IRF2BPL: variants seen among roughly 807,000 people sequenced by gnomAD.
The protein encoded by IRF2BPL is interferon regulatory factor 2 binding protein like, also known as probable E3 ubiquitin-protein ligase IRF2BPL.
A neutral mutation model predicts 51.2 loss-of-function variants in IRF2BPL; 13 were observed. That is an observed-to-expected ratio of 0.25 (90% confidence interval 0.17 to 0.40). The LOEUF is 0.40. Ranked by LOEUF, IRF2BPL falls within the 10% of genes least tolerant of loss-of-function variation. IRF2BPL has a pLI of 1.00. For synonymous variants in IRF2BPL, 768 were observed against 509.2 expected (o/e 1.51, Z -6.84); for missense variants, 1,210 against 1,111.8 (o/e 1.09, Z -1.26).
chr14:77,026,237 C>G lies in IRF2BPL; in HGVS notation c.1556G>C (p.Ser519Thr), dbSNP rs1885112302. ...TALVSLSRAP[S>T]APPGTGALPP... The stretch of plus-strand genomic sequence containing the variant: ...CAAGGCCCCGGTCCCCGGGGGTGCG[C>G]TGGGGGCGCGGCTCAGACTCACCAG... The change falls in exon 1 of 1, where the codon AGC (serine) becomes ACC (threonine). Residue 519 changes from serine (S) to threonine (T), a missense_variant. Transcript: ENST00000238647. The G allele has an allele frequency of 4.9e-6, 7 of 1,429,378 alleles. No homozygotes were observed. Among genetic ancestry groups the G allele is most frequent in the Non-Finnish European group, 6.4e-6 (7 of 1,096,944 alleles). 88.5% of individuals were successfully genotyped at this position (1,429,378 alleles called of 1,614,324 possible). A position where few individuals can be genotyped will look rare whatever the true frequency, so the allele number is the denominator to read the frequency against.
At position 77,027,594 on chromosome 14, in the gene IRF2BPL, C is replaced by T; in HGVS notation, c.199G>A (p.Gly67Ser). The T allele has an allele frequency of 6.3e-7, 1 of 1,581,062 alleles. No homozygotes were observed. Residue 67 changes from glycine (G) to serine (S), a missense_variant, in exon 1 of 1, where the codon GGC (glycine) becomes AGC (serine). By Grantham distance (56) the Gly-to-Ser change is moderately conservative (BLOSUM62 0). Coordinates refer to ENST00000238647, the MANE Select transcript of IRF2BPL (RefSeq NM_024496.4). Reference sequence around the variant, plus strand: ...GGCGGCGGCGGCCCGGGGGAGCGGCCGTCCTGGAAGCAGCCGTGCGCCCGC... The same window carrying T: ...GGCGGCGGCGGCCCGGGGGAGCGGCTGTCCTGGAAGCAGCCGTGCGCCCGC... Reference protein sequence around the residue: ...LKRAHGCFQDGRSPGPPPPVG... With the variant: ...LKRAHGCFQDSRSPGPPPPVG...
Position 77,027,923 on chromosome 14 carries a change from C to A in IRF2BPL, c.-131G>T, listed in dbSNP as rs1284614295. The A allele has an allele frequency of 1.7e-6, 2 of 1,188,312 alleles. No homozygotes were observed. Among genetic ancestry groups the A allele is most frequent in the African/African-American group, 1.6e-5 (1 of 62,110 alleles). 73.6% of individuals were successfully genotyped at this position (1,188,312 alleles called of 1,614,324 possible). ...GAGGAGGGGGGGCGAGAAAGTTCTG[C>A]CCCAGGGGCTGGAGGGAACGCGAGT... On this transcript the variant is annotated 5_prime_UTR_variant, in exon 1 of 1. Coordinates refer to ENST00000238647, the MANE Select transcript of IRF2BPL (RefSeq NM_024496.4).
At position 77,027,688 on chromosome 14, in the gene IRF2BPL, G is replaced by A. The variant is rs757803747; in HGVS notation, c.105C>T (p.Cys35=). Residue 35 remains cysteine, a synonymous_variant, in exon 1 of 1, where the codon TGC becomes TGT. Coordinates refer to ENST00000238647, the MANE Select transcript of IRF2BPL (RefSeq NM_024496.4). ...CGCCCTCGTAGTTGACGCAACCGCG[G>A]CATACGGGTTCCGAGAAGTCCCAGA... is the stretch of plus-strand genomic sequence containing the variant. ...AMIWDFSEPV[C]RGCVNYEGAD... 2.5e-6 allele frequency: 4 copies of A among 1,611,968 alleles called. No individual in the cohort carries two copies. The highest frequency in any genetic ancestry group is 3.4e-6 in the Non-Finnish European group (4 of 1,179,460).
chr14:77,028,664 G>A lies in IRF2BPL; in HGVS notation c.-872C>T, dbSNP rs1885243436. 1 of 381,220 alleles carries A rather than the reference G, an allele frequency of 2.6e-6. No individual in the cohort carries two copies. The highest frequency in any genetic ancestry group is 4.7e-6 in the Non-Finnish European group (1 of 214,640). 23.6% of individuals were successfully genotyped at this position (381,220 alleles called of 1,614,324 possible). A position where few individuals can be genotyped will look rare whatever the true frequency, so the allele number is the denominator to read the frequency against. Reference sequence around the variant, plus strand: ...GTGATTGTTACTCTACGTTCCGGAGGCGCGTCTCGGCGCTCCTGCTCCGGC... The same window carrying A: ...GTGATTGTTACTCTACGTTCCGGAGACGCGTCTCGGCGCTCCTGCTCCGGC... On this transcript the variant is annotated 5_prime_UTR_variant, in exon 1 of 1. Transcript: ENST00000238647.
At position 77,028,672 on chromosome 14, in the gene IRF2BPL, C is replaced by T; in HGVS notation, c.-880G>A. On this transcript the variant is annotated 5_prime_UTR_variant, in exon 1 of 1. Transcript: ENST00000238647. ...TACTCTACGTTCCGGAGGCGCGTCT[C>T]GGCGCTCCTGCTCCGGCTGCGGCTC... is the stretch of plus-strand genomic sequence containing the variant. The T allele has an allele frequency of 2.6e-6, 1 of 378,514 alleles. No individual in the cohort carries two copies. 23.4% of individuals were successfully genotyped at this position (378,514 alleles called of 1,614,324 possible).
chr14:77,026,265 C>G lies in IRF2BPL; in HGVS notation c.1528G>C (p.Ala510Pro). 2 of 1,491,010 alleles carry G rather than the reference C, an allele frequency of 1.3e-6. No homozygotes were observed. The highest frequency in any genetic ancestry group is 1.8e-6 in the Non-Finnish European group (2 of 1,122,294). The allele number at this position is 1,491,010 out of a possible 1,614,324, so 92.4% of individuals were successfully genotyped here. ...GGGGCGCGGCTCAGACTCACCAGAG[C>G]AGTGGGCAGCATGGGACAGCTGGCG... Reference protein sequence around the residue: ...LDASCPMLPTALVSLSRAPSA... With the variant: ...LDASCPMLPTPLVSLSRAPSA... Residue 510 changes from alanine (A) to proline (P), a missense_variant, in exon 1 of 1, where the codon GCT becomes CCT. By Grantham distance (27) the Ala-to-Pro change is conservative. Coordinates refer to ENST00000238647, the MANE Select transcript of IRF2BPL (RefSeq NM_024496.4).
In IRF2BPL at chr14:77,027,965, G is replaced by GCGCCT. The variant is rs897764396; in HGVS notation, c.-178_-174dup. 72 of 781,234 alleles carry GCGCCT rather than the reference G, an allele frequency of 9.2e-5. No individual in the cohort carries two copies. Among genetic ancestry groups the GCGCCT allele is most frequent in the Admixed American group, 1.8e-4 (5 of 27,044 alleles). The allele number at this position is 781,234 out of a possible 1,614,324, so 48.4% of individuals were successfully genotyped here. ...AACGCGAGTCTCCACCGCCGGCGCA[G>GCGCCT]CGCCTCGCCGTGGGGGCTCCACCGC... On this transcript the variant is annotated 5_prime_UTR_variant, in exon 1 of 1. Transcript: ENST00000238647.
In IRF2BPL at chr14:77,027,624, G is replaced by A. The variant is rs546443379; in HGVS notation, c.169C>T (p.Leu57=). The A allele has an allele frequency of 3.1e-5, 49 of 1,605,522 alleles. No individual in the cohort carries two copies. The East Asian group carries it at 1.0e-3, about 33-fold the overall frequency. ...TGGAAGCAGCCGTGCGCCCGCTTCA[G>A]CTGGCGCGCTGTCTCGATCACGAAT... ...IEFVIETARQ[L]KRAHGCFQDG... is the part of the protein sequence containing the mutation. The change falls in exon 1 of 1, where the codon CTG becomes TTG. Residue 57 remains leucine (L), a synonymous_variant. Coordinates refer to ENST00000238647, the MANE Select transcript of IRF2BPL (RefSeq NM_024496.4).
chr14:77,027,190 T>C lies in IRF2BPL; in HGVS notation c.603A>G (p.Lys201=). Residue 201 remains lysine, a synonymous_variant, in exon 1 of 1, where the codon AAA becomes AAG. Coordinates refer to ENST00000238647, the MANE Select transcript of IRF2BPL (RefSeq NM_024496.4). ...CTGGGGGTCCCTCCTCTGGTGTTGG[T>C]TTGGGGAAGCCGTTTGGGCCCCCCA... is the stretch of plus-strand genomic sequence containing the variant. The part of the protein sequence containing the change: ...NGLGGPNGFP[K]PTPEEGPPEL... The C allele has an allele frequency of 6.2e-7, 1 of 1,611,682 alleles. No individual in the cohort carries two copies. Among genetic ancestry groups the C allele is most frequent in the Non-Finnish European group, 8.5e-7 (1 of 1,179,010 alleles).
In IRF2BPL at chr14:77,025,378, CAAA is replaced by C. The variant is rs1165517642; in HGVS notation, c.*21_*23del. On this transcript the variant is annotated 3_prime_UTR_variant, in exon 1 of 1. Coordinates refer to ENST00000238647, the MANE Select transcript of IRF2BPL (RefSeq NM_024496.4). ...GGATTGGAGAGGAGCTGGTCTAGGG[CAAA>C]GGAGGTGGCTGCCCAGTGGTTCAAG... is the stretch of plus-strand genomic sequence containing the variant. 32 of 1,510,410 alleles carry C rather than the reference CAAA, an allele frequency of 2.1e-5. No homozygotes were observed. The highest frequency in any genetic ancestry group is 2.8e-5 in the Non-Finnish European group (31 of 1,122,610). The allele number at this position is 1,510,410 out of a possible 1,614,324, so 93.6% of individuals were successfully genotyped here. A position where few individuals can be genotyped will look rare whatever the true frequency, so the allele number is the denominator to read the frequency against.
chr14:77,025,588 G>A lies in IRF2BPL; in HGVS notation c.2205C>T (p.Ser735=). ...THFVQCPSVP[S]HKFCFPCSRE... is the part of the protein sequence containing the mutation. ...TAGAGCAAGGGAAGCAAAATTTGTG[G>A]CTGGGGACGGAAGGGCACTGAACGA... is the stretch of plus-strand genomic sequence containing the variant. The change falls in exon 1 of 1, where the codon AGC becomes AGT. Residue 735 remains serine, a synonymous_variant. Transcript: ENST00000238647. 1 of 1,607,576 alleles carries A rather than the reference G, an allele frequency of 6.2e-7. No homozygotes were observed.
Position 77,025,631 on chromosome 14 carries a change from C to G in IRF2BPL, c.2162G>C (p.Arg721Pro), listed in dbSNP as rs1486719656. ...CTGAACGAAATGCGTATCCTCCAAA[C>G]GTTCGTGGCAAATGGTGCAGCAGAG... ...GPLCCTICHE[R>P]LEDTHFVQCP... Residue 721 changes from arginine (R) to proline (P), a missense_variant, in exon 1 of 1, where the codon CGT becomes CCT. Physicochemically the swap from Arg to Pro is moderately radical, Grantham distance 103. Coordinates refer to ENST00000238647, the MANE Select transcript of IRF2BPL (RefSeq NM_024496.4). 1.9e-6 allele frequency: 3 copies of G among 1,577,426 alleles called. No individual in the cohort carries two copies. The highest frequency in any genetic ancestry group is 1.7e-6 in the Non-Finnish European group (2 of 1,158,996).
rs532756524 is a variant in IRF2BPL, at chr14:77,028,660, G to C, written c.-868C>G. The C allele has an allele frequency of 5.2e-6, 2 of 383,476 alleles. No homozygotes were observed. Among genetic ancestry groups the C allele is most frequent in the Admixed American group, 4.5e-5 (1 of 22,172 alleles). The allele number at this position is 383,476 out of a possible 1,614,324, so 23.8% of individuals were successfully genotyped here. A position where few individuals can be genotyped will look rare whatever the true frequency, so the allele number is the denominator to read the frequency against. ...GGTTGTGATTGTTACTCTACGTTCC[G>C]GAGGCGCGTCTCGGCGCTCCTGCTC... is the stretch of plus-strand genomic sequence containing the variant. On this transcript the variant is annotated 5_prime_UTR_variant, in exon 1 of 1. Coordinates refer to ENST00000238647, the MANE Select transcript of IRF2BPL (RefSeq NM_024496.4).
In IRF2BPL at chr14:77,026,328, C is replaced by G. The variant is rs200051064; in HGVS notation, c.1465G>C (p.Val489Leu). ...TGGGGCAGCATGTCGGCGCCGGGCA[C>G]GCCCTCCTTGAAGAAGCGCACGGCT... ...PEAVRFFKEGVPGADMLPQPY... is the reference protein window; with the variant it reads ...PEAVRFFKEGLPGADMLPQPY... The change falls in exon 1 of 1, where the codon GTG becomes CTG. Residue 489 changes from valine (V) to leucine (L), a missense_variant. Val to Leu is a conservative substitution (Grantham distance 32, BLOSUM62 1). Coordinates refer to ENST00000238647, the MANE Select transcript of IRF2BPL (RefSeq NM_024496.4). 4.4e-6 allele frequency: 7 copies of G among 1,582,248 alleles called. No individual in the cohort carries two copies. Among genetic ancestry groups the G allele is most frequent in the South Asian group, 1.2e-5 (1 of 86,460 alleles).
In IRF2BPL at chr14:77,026,533, G is replaced by A. The variant is rs577830323; in HGVS notation, c.1260C>T (p.Phe420=). Residue 420 remains phenylalanine, a synonymous_variant, in exon 1 of 1, where the codon TTC becomes TTT. Coordinates refer to ENST00000238647, the MANE Select transcript of IRF2BPL (RefSeq NM_024496.4). Reference sequence around the variant, plus strand: ...TGCCCGAGCCCGTGGGGTACTCAATGAACAGCTTCAATTCGTAGTCCATGC... The same window carrying A: ...TGCCCGAGCCCGTGGGGTACTCAATAAACAGCTTCAATTCGTAGTCCATGC... ...KPGMDYELKL[F]IEYPTGSGNV... is the part of the protein sequence containing the mutation. 7.4e-6 allele frequency: 12 copies of A among 1,613,806 alleles called. No homozygotes were observed. The highest frequency in any genetic ancestry group is 1.7e-5 in the Admixed American group (1 of 60,036).
rs140746135 is a variant in IRF2BPL, at chr14:77,026,846, G to C, written c.947C>G (p.Thr316Ser). ...GCCCACCTCTGCCACCGACGAAGAG[G>C]TCGAAGACGACGCGGAGGACGACGT... ...SATSSSASSS[T>S]SSSVAEVGVG... The change falls in exon 1 of 1, where the codon ACC becomes AGC. Residue 316 changes from threonine (T) to serine (S), a missense_variant. Thr to Ser is a moderately conservative substitution (Grantham distance 58). Transcript: ENST00000238647. 1 of 1,608,416 alleles carries C rather than the reference G, an allele frequency of 6.2e-7. No homozygotes were observed. Among genetic ancestry groups the C allele is most frequent in the Non-Finnish European group, 8.5e-7 (1 of 1,177,786 alleles).
In IRF2BPL at chr14:77,025,206, C is replaced by T. The variant is rs541995468; in HGVS notation, c.*196G>A. The T allele has an allele frequency of 3.7e-5, 17 of 455,160 alleles. 1 individual carries two copies. The South Asian group carries it at 8.6e-4, about 23-fold the overall frequency. 28.2% of individuals were successfully genotyped at this position (455,160 alleles called of 1,614,324 possible). ...GCTTATCCTTCAAATGAAGAAGTTA[C>T]ATACCTTTGTTTCAAAATATAGAAA... is the stretch of plus-strand genomic sequence containing the variant. On this transcript the variant is annotated 3_prime_UTR_variant, in exon 1 of 1. Coordinates refer to ENST00000238647, the MANE Select transcript of IRF2BPL (RefSeq NM_024496.4).
rs528180845 is a variant in IRF2BPL at position 77,026,785 on chromosome 14, C to A, written c.1008G>T (p.Ser336=). The A allele has an allele frequency of 1.8e-5, 29 of 1,612,502 alleles. 1 individual carries two copies. In the South Asian group the frequency reaches 3.1e-4, roughly 17 times the overall value. The change falls in exon 1 of 1, where the codon TCG becomes TCT. Residue 336 remains serine, a synonymous_variant. Coordinates refer to ENST00000238647, the MANE Select transcript of IRF2BPL (RefSeq NM_024496.4). The part of the protein sequence containing the change: ...GAGGKRPGSV[S]STDQERELKE... ...TCAACTCGCGCTCCTGGTCTGTGCT[C>A]GACACCGAGCCGGGCCTCTTACCAC...
In IRF2BPL at chr14:77,026,664, C is replaced by T; in HGVS notation, c.1129G>A (p.Asp377Asn). The T allele has an allele frequency of 6.2e-7, 1 of 1,613,414 alleles. No individual in the cohort carries two copies. Among genetic ancestry groups the T allele is most frequent in the Middle Eastern group, 1.6e-4 (1 of 6,062 alleles). ...CAGCCTGCCAGCGTGAGCAGCGTGT[C>T]GCGGACCATCTTGGGCTTGCTGGCC... is the stretch of plus-strand genomic sequence containing the variant. ...EWASKPKMVR[D>N]TLLTLAGCTP... Residue 377 changes from aspartate (D) to asparagine (N), a missense_variant, in exon 1 of 1, where the codon GAC becomes AAC. Physicochemically the swap from Asp to Asn is conservative, Grantham distance 23. Transcript: ENST00000238647.
Sources: gnomAD v4.1 joint callset for allele counts on GRCh38, gnomAD v4.1.1 for gene constraint, MANE v1.5 for transcripts, NCBI Gene and HGNC (gene_info 2026-07-23, HGNC 2026-07-21) for gene names.